AFDN: variants seen among roughly 807,000 people sequenced by gnomAD.
AFDN encodes afadin.
A neutral mutation model predicts 216.6 loss-of-function variants in AFDN; 68 were observed. That is an observed-to-expected ratio of 0.31 (90% CI 0.26 to 0.38). The LOEUF (loss-of-function observed/expected upper bound fraction) is 0.38, where lower values mean the gene tolerates loss of function less well. Among genes scored for constraint, AFDN ranks in the 10% least tolerant of loss-of-function variants. The pLI is 1.00. For missense variants in AFDN, 2,136 were observed against 2,342.0 expected, an observed-to-expected ratio of 0.91 and a Z score of 1.82; for synonymous variants, 868 against 853.7, an observed-to-expected ratio of 1.02 and a Z score of -0.29.
At chr6:167,827,588 GGGCGCGGCGGCGCGCGGGGCC>G (rs1401527747) in intron 1 of AFDN, 1 of 147,254 alleles carries the variant, frequency 6.8e-6, no homozygotes, top group Non-Finnish European at 1.5e-5. Flanking sequence ...GCGGCGCGGG[GGGCGCGGCGGCGCGCGGGGCC>G]GGCGCCCTCC....
At chr6:167,874,437 C>T (rs151145925) in intron 4 of AFDN, among the ~76,000 whole-genome samples, 1,688 of 151,690 alleles carry the variant, frequency 0.011, 39 homozygotes, top group African/African-American at 0.039. Flanking sequence ...TGTCAGTTAC[C>T]TAGTATTGTT....
Position 167,951,757 on chromosome 6 carries a change from A to G in AFDN, c.4403A>G (p.Gln1468Arg). 1 of 1,614,200 alleles carries G rather than the reference A, an allele frequency of 6.2e-7. No individual in the cohort carries two copies. The highest frequency in any genetic ancestry group is 8.5e-7 in the Non-Finnish European group (1 of 1,180,040). ...PAPFSPLTAQ[Q>R]MKPEKPSTLQ... ...CCGTTTTCTCCCCTGACTGCACAGC[A>G]GATGAAGCCCGAAAAGCCTTCCACA... is the stretch of plus-strand genomic sequence containing the variant. The change falls in exon 30 of 34, where the codon CAG (glutamine) becomes CGG (arginine). Residue 1468 changes from glutamine to arginine, a missense_variant. This residue lies in a region of AFDN where 981 missense variants were observed against 966.0 expected (regional missense o/e 1.02). Coordinates refer to ENST00000683244, the MANE Select transcript of AFDN (RefSeq NM_001386888.1). This position sits in a 1 kb window ranked among gnomAD's most constrained non-coding sequence, Gnocchi z 7.1.
At chr6:167,854,620 G>GTA (rs1298741774) in intron 1 of AFDN, among the ~76,000 whole-genome samples, 3 of 151,754 alleles carry the variant, frequency 2.0e-5, no homozygotes, top group Non-Finnish European at 4.4e-5. Context: ...ACAGTGTGAT[G>GTA]TATAGATCCA....
chr6:167,940,304 G>C (rs1245360484), intron 23 of AFDN, among the ~76,000 whole-genome samples: 1 of 129,016 alleles, frequency 7.8e-6, no homozygotes, highest in Non-Finnish European at 1.7e-5. Flanking sequence ...ATCCACAGGA[G>C]ACATGTGGAC....
Position 167,946,740 on chromosome 6 carries a change from C to G in AFDN, c.3392C>G (p.Pro1131Arg), listed in dbSNP as rs1383855115. The G allele has an allele frequency of 6.2e-7, 1 of 1,613,984 alleles. No homozygotes were observed. The highest frequency in any genetic ancestry group is 1.7e-5 in the Admixed American group (1 of 60,004). ...CGTCGTGGCTCAGGTAAACCCCGAC[C>G]AAAGAGTGAAGGCTTTGAGCTCTAT... ...SDRRGSGKPRPKSEGFELYNN... is the reference protein window; with the variant it reads ...SDRRGSGKPRRKSEGFELYNN... Residue 1131 changes from proline (P) to arginine (R), a missense_variant, in exon 27 of 34, where the codon CCA becomes CGA. Pro to Arg is a moderately radical substitution (Grantham distance 103). Coordinates refer to ENST00000683244, the MANE Select transcript of AFDN (RefSeq NM_001386888.1).
intron 23 of AFDN, among the ~76,000 whole-genome samples, chr6:167,931,607 T>G (rs1046984874): frequency 2.6e-5 from 4 of 152,192 alleles, no homozygotes; most frequent in African/African-American, 9.7e-5. Context: ...TCCATTTTTT[T>G]TCCAGTTTAC....
At chr6:167,879,549 C>G (rs982414006) in intron 5 of AFDN, among the ~76,000 whole-genome samples, 2 of 152,122 alleles carry the variant, frequency 1.3e-5, no homozygotes, top group Non-Finnish European at 2.9e-5. Flanking sequence ...CCTCAGTATC[C>G]TTCCATCTGG....
At chr6:167,913,713 G>A (rs919477313) in intron 16 of AFDN, 16 of 482,354 alleles carry the variant, frequency 3.3e-5, no homozygotes, top group Non-Finnish European at 5.5e-5. Context: ...AGGTTGCCTG[G>A]CCTGCACATG....
At chr6:167,884,996 A>G (rs531056136) in intron 6 of AFDN, among the ~76,000 whole-genome samples, 1 of 152,314 alleles carries the variant, frequency 6.6e-6, no homozygotes, top group East Asian at 1.9e-4. Flanking sequence ...CAGCTTCTCC[A>G]TTAGCTGCTT....
At chr6:167,893,955 C>A in intron 9 of AFDN, 49 bp downstream of exon 9, 2 of 1,366,174 alleles carry the variant, frequency 1.5e-6, no homozygotes, top group Non-Finnish European at 2.0e-6. Context: ...CTAATAGAAC[C>A]TCATGGGCAG....
At chr6:167,959,760 T>TA (rs1796864942) in intron 30 of AFDN, among the ~76,000 whole-genome samples, 1 of 152,240 alleles carries the variant, frequency 6.6e-6, no homozygotes. Context: ...GAATGTGGAC[T>TA]ACCCATATAG....
At chr6:167,949,102 T>TA (rs1795672592) in intron 29 of AFDN, among the ~76,000 whole-genome samples, 1 of 152,354 alleles carries the variant, frequency 6.6e-6, no homozygotes, top group Admixed American at 6.5e-5. Context: ...TTTGTCCACA[T>TA]TAGTAGACGG....
At chr6:167,936,176 A>T (rs1297734744) in intron 23 of AFDN, among the ~76,000 whole-genome samples, 1 of 152,224 alleles carries the variant, frequency 6.6e-6, no homozygotes, top group East Asian at 1.9e-4. Flanking sequence ...GATGAGCCAC[A>T]CTTTCAGTGC....
intron 1 of AFDN, among the ~76,000 whole-genome samples, chr6:167,856,422 CATT>C: frequency 6.6e-6 from 1 of 152,102 alleles, no homozygotes; most frequent in South Asian, 2.1e-4. Flanking sequence ...CTACTATACA[CATT>C]ATGGTTGGAA....
At chr6:167,839,164 A>T (rs992420492) in intron 1 of AFDN, among the ~76,000 whole-genome samples, 1 of 152,182 alleles carries the variant, frequency 6.6e-6, no homozygotes, top group Non-Finnish European at 1.5e-5. Flanking sequence ...TATTAGTGTA[A>T]TGGCATCTTA....
chr6:167,860,159 C>CTTTTTTTT lies in AFDN; in HGVS notation c.106-4371_106-4364dup, dbSNP rs370176215. On this transcript the variant is annotated intron_variant, in intron 1 of 33. Transcript: ENST00000683244. ...TAGGTATTAAGTACCTACAGCAATG[C>CTTTTTTTT]TTTTTTTTTTTTTTTTTTTTTTTTT... Among the ~76,000 whole-genome samples the CTTTTTTTT allele has an allele frequency of 5.5e-4, 44 of 79,402 alleles. 1 individual carries two copies. Among genetic ancestry groups the CTTTTTTTT allele is most frequent in the African/African-American group, 2.0e-3 (42 of 21,026 alleles). 52.1% of individuals were successfully genotyped at this position (79,402 alleles called of 152,430 possible).
chr6:167,957,198 G>A (rs1225551902), intron 30 of AFDN, among the ~76,000 whole-genome samples: 1 of 152,030 alleles, frequency 6.6e-6, no homozygotes, highest in Non-Finnish European at 1.5e-5. Context: ...CTTCATATGG[G>A]GGGGGCCCAC....
At chr6:167,894,335 A>C (rs1394816629) in intron 9 of AFDN, among the ~76,000 whole-genome samples, 1 of 152,156 alleles carries the variant, frequency 6.6e-6, no homozygotes, top group African/African-American at 2.4e-5. Flanking sequence ...TCTGCTCTTC[A>C]AGGTGCTCCA....
intron 2 of AFDN, among the ~76,000 whole-genome samples, chr6:167,865,388 T>G (rs1385075294): frequency 6.6e-6 from 1 of 152,050 alleles, no homozygotes. Flanking sequence ...TCCTGACACT[T>G]TGGGAGGCTG....
Sources: allele counts gnomAD v4.1 joint callset (sites outside exome capture counted in the v4.1 genomes callset), GRCh38; gene constraint gnomAD v4.1.1; regional missense constraint gnomAD v4.1.1; non-coding constraint Gnocchi (gnomAD v3.1); transcripts MANE v1.5; gene names NCBI Gene and HGNC (gene_info 2026-07-23, HGNC 2026-07-21).